Variants in ATP8A2 observed in about 807,000 individuals in gnomAD.
ATP8A2 encodes the protein ATPase phospholipid transporting 8A2.
Under a neutral mutation model 165.6 loss-of-function variants are expected in ATP8A2, and 100 were observed. The observed-to-expected ratio is 0.60, with a 90% CI of 0.51 to 0.71. The LOEUF (loss-of-function observed/expected upper bound fraction) is 0.71, where lower values mean the gene tolerates loss of function less well. Among genes scored for constraint, ATP8A2 ranks in the 30% least tolerant of loss-of-function variants. The pLI, the probability that ATP8A2 is intolerant of heterozygous loss-of-function variation, is 0.00. For synonymous variants in ATP8A2, 543 were observed against 548.8 expected, an observed-to-expected ratio of 0.99 and a Z score of 0.15; for missense variants, 1,227 against 1,479.5, an observed-to-expected ratio of 0.83 and a Z score of 2.80.
chr13:25,521,407 T>C (rs1033327791), intron 2 of ATP8A2, among the ~76,000 whole-genome samples: 3 of 152,170 alleles, frequency 2.0e-5, no homozygotes, highest in Non-Finnish European at 4.4e-5. Context: ...ATTTTTGCTT[T>C]GGTTGCCTAT....
At chr13:25,758,104 G>A (rs2044302674) in intron 25 of ATP8A2, among the ~76,000 whole-genome samples, 1 of 152,206 alleles carries the variant, frequency 6.6e-6, no homozygotes, top group Non-Finnish European at 1.5e-5. Context: ...TAGCTACCAG[G>A]TGGAGTCAAA....
intron 24 of ATP8A2, among the ~76,000 whole-genome samples, chr13:25,694,830 C>A (rs1039001845): frequency 6.6e-6 from 1 of 152,090 alleles, no homozygotes; most frequent in African/African-American, 2.4e-5. Context: ...ACCATCATGC[C>A]TGGCCAATTA....
chr13:25,543,213 T>G, intron 9 of ATP8A2, 78 bp from the exon 10 acceptor site: 1 of 837,958 alleles, frequency 1.2e-6, no homozygotes, highest in East Asian at 2.5e-5. Context: ...TGATTTATTG[T>G]GGGTTCATGT....
chr13:25,874,407 C>A (rs1403262700), intron 33 of ATP8A2, among the ~76,000 whole-genome samples: 1 of 152,220 alleles, frequency 6.6e-6, no homozygotes, highest in Non-Finnish European at 1.5e-5. Context: ...ACATCCTGGA[C>A]CTACGTGCTC....
chr13:25,485,144 AG>A (rs1205274913), intron 2 of ATP8A2, among the ~76,000 whole-genome samples: 1 of 152,252 alleles, frequency 6.6e-6, no homozygotes, highest in African/African-American at 2.4e-5. Context: ...GTGGTAAGGC[AG>A]AAACATGAAC....
chr13:25,994,468 ATCAT>A (rs1956455885), intron 35 of ATP8A2, among the ~76,000 whole-genome samples: 1 of 152,140 alleles, frequency 6.6e-6, no homozygotes, highest in African/African-American at 2.4e-5. Context: ...TTTGGGAGAA[ATCAT>A]TCAACTTTTT....
At chr13:25,757,182 A>G (rs1325600033) in intron 25 of ATP8A2, among the ~76,000 whole-genome samples, 2 of 152,194 alleles carry the variant, frequency 1.3e-5, no homozygotes, top group Non-Finnish European at 2.9e-5. Flanking sequence ...TTTTCCTCAC[A>G]TGTTGGTTTT....
intron 33 of ATP8A2, among the ~76,000 whole-genome samples, chr13:25,879,643 C>T (rs1238397863): frequency 2.6e-5 from 4 of 152,138 alleles, no homozygotes; most frequent in Non-Finnish European, 4.4e-5. Context: ...TGCTGGCAGG[C>T]GCATCTGATG....
chr13:25,994,785 C>T (rs1236468031), intron 35 of ATP8A2, among the ~76,000 whole-genome samples: 2 of 152,012 alleles, frequency 1.3e-5, no homozygotes, highest in African/African-American at 4.8e-5. Flanking sequence ...TTACTAATGT[C>T]AGGTTTTTTT....
intron 1 of ATP8A2, among the ~76,000 whole-genome samples, chr13:25,434,762 TCTCA>T: frequency 6.6e-6 from 1 of 152,326 alleles, no homozygotes; most frequent in South Asian, 2.1e-4. Flanking sequence ...ATGACTTGTC[TCTCA>T]CTCTTTTTTC....
chr13:25,595,382 C>T (rs1000869747), intron 24 of ATP8A2, among the ~76,000 whole-genome samples: 3 of 151,932 alleles, frequency 2.0e-5, no homozygotes, highest in Admixed American at 6.6e-5. Context: ...ATGATGCCTG[C>T]GGCAGAGACT....
chr13:25,975,739 G>A (rs769679297), intron 35 of ATP8A2, among the ~76,000 whole-genome samples: 2 of 152,164 alleles, frequency 1.3e-5, no homozygotes, highest in Non-Finnish European at 2.9e-5. Flanking sequence ...TCTGCTCAGA[G>A]TCTTTCTTTC....
At chr13:25,802,490 CT>C (rs1202411091) in intron 27 of ATP8A2, among the ~76,000 whole-genome samples, 1 of 152,154 alleles carries the variant, frequency 6.6e-6, no homozygotes, top group Non-Finnish European at 1.5e-5. Flanking sequence ...AGCTTCATTT[CT>C]TACACAAAAT....
At chr13:25,399,862 A>G (rs570683410) in intron 1 of ATP8A2, among the ~76,000 whole-genome samples, 185 of 114,626 alleles carry the variant, frequency 1.6e-3, no homozygotes, top group African/African-American at 5.8e-3. Flanking sequence ...CTCCTCTTTC[A>G]TCTTCTTCTT....
rs192227437 is a variant in ATP8A2 at position 25,820,025 on chromosome 13, C to G, written c.2680-8093C>G. On this transcript the variant is annotated intron_variant, in intron 27 of 36. Coordinates refer to ENST00000381655, the MANE Select transcript of ATP8A2 (RefSeq NM_016529.6). ...TCCTCTACCAGGGATCCTGAAAGAGCAGAGTAAATAGAAGAACAGGTCATC... is the reference window on the plus strand; with the variant it reads ...TCCTCTACCAGGGATCCTGAAAGAGGAGAGTAAATAGAAGAACAGGTCATC... Among the ~76,000 whole-genome samples, 204 of 152,288 alleles carry G rather than the reference C, an allele frequency of 1.3e-3. 5 individuals are homozygous for G. The East Asian group carries it at 0.023, about 17-fold the overall frequency.
At chr13:26,009,424 C>T (rs554920941) in intron 35 of ATP8A2, among the ~76,000 whole-genome samples, 14 of 152,206 alleles carry the variant, frequency 9.2e-5, no homozygotes, top group Admixed American at 2.6e-4. Context: ...AGGGCATCTG[C>T]GCACGTGTGG....
At chr13:25,613,296 T>C (rs758781262) in intron 24 of ATP8A2, among the ~76,000 whole-genome samples, 31 of 152,162 alleles carry the variant, frequency 2.0e-4, no homozygotes, top group Admixed American at 7.2e-4. Flanking sequence ...CTTTTAGAAG[T>C]TCTTGGCTGG....
chr13:25,485,086 C>G (rs2036310620), intron 2 of ATP8A2, among the ~76,000 whole-genome samples: 1 of 152,202 alleles, frequency 6.6e-6, no homozygotes, highest in African/African-American at 2.4e-5. Flanking sequence ...ACCATTCTAA[C>G]AGTGATGTAC....
At chr13:25,974,616 G>C (rs1955986388) in intron 35 of ATP8A2, among the ~76,000 whole-genome samples, 1 of 152,084 alleles carries the variant, frequency 6.6e-6, no homozygotes, top group Admixed American at 6.6e-5. Flanking sequence ...TCTCTCGCCA[G>C]CTTACCCCTG....
Sources: allele counts gnomAD v4.1 joint callset (sites outside exome capture counted in the v4.1 genomes callset), GRCh38; gene constraint gnomAD v4.1.1; transcripts MANE v1.5; gene names NCBI Gene and HGNC (gene_info 2026-07-23, HGNC 2026-07-21).